SLC2A9: variants seen among roughly 807,000 people sequenced by gnomAD.
SLC2A9 encodes the protein solute carrier family 2 member 9.
SLC2A9 carries 39 observed loss-of-function variants against 50.6 expected under a neutral mutation model. The ratio of observed to expected loss-of-function variants is 0.77; its 90% CI spans 0.60 to 1.01. The LOEUF (loss-of-function observed/expected upper bound fraction) is 1.01, where lower values mean the gene tolerates loss of function less well. Among genes scored for constraint, SLC2A9 ranks in the 50% least tolerant of loss-of-function variants. The pLI is 0.00. For missense variants in SLC2A9, 686 were observed against 677.6 expected (o/e 1.01, Z -0.14); for synonymous variants, 324 against 276.9 (o/e 1.17, Z -1.69).
intron 2 of SLC2A9, among the ~76,000 whole-genome samples, chr4:10,012,113 A>G (rs1761863495): frequency 6.6e-6 from 1 of 152,238 alleles, no homozygotes. Flanking sequence ...CAGAGACCAT[A>G]TGGCCAACAA....
chr4:9,833,243 A>G (rs1439139767), intron 11 of SLC2A9, among the ~76,000 whole-genome samples: 1 of 152,192 alleles, frequency 6.6e-6, no homozygotes, highest in African/African-American at 2.4e-5. Flanking sequence ...GACTAACTCC[A>G]TGGCTCATGG....
chr4:9,835,910 A>C (rs968835413), intron 10 of SLC2A9, among the ~76,000 whole-genome samples: 1 of 152,120 alleles, frequency 6.6e-6, no homozygotes, highest in East Asian at 1.9e-4. Flanking sequence ...AACATGGTGA[A>C]ACCCCATCTC....
intron 10 of SLC2A9, among the ~76,000 whole-genome samples, chr4:9,856,090 C>A (rs1047846009): frequency 2.2e-4 from 34 of 152,208 alleles, no homozygotes; most frequent in African/African-American, 8.2e-4. Context: ...AAAGCCATTG[C>A]AACAAAAACA....
At chr4:9,972,245 C>T (rs2109017084) in intron 5 of SLC2A9, among the ~76,000 whole-genome samples, 1 of 152,262 alleles carries the variant, frequency 6.6e-6, no homozygotes, top group East Asian at 1.9e-4. Context: ...AAATGTTCTT[C>T]TGAGCATATA....
chr4:9,851,349 C>G (rs538154823), intron 10 of SLC2A9, among the ~76,000 whole-genome samples: 22 of 152,252 alleles, frequency 1.4e-4, no homozygotes, highest in African/African-American at 5.1e-4. Flanking sequence ...GAAATGAAGA[C>G]AGTCAACTGA....
At chr4:9,944,915 G>T (rs911312909) in intron 5 of SLC2A9, among the ~76,000 whole-genome samples, 1 of 152,144 alleles carries the variant, frequency 6.6e-6, no homozygotes, top group South Asian at 2.1e-4. Flanking sequence ...TATACATGTG[G>T]CCCACCCAAA....
rs747687280 is a variant in SLC2A9, at chr4:9,970,976, A to G, written c.681+9616T>C. Among the ~76,000 whole-genome samples, 181 of 152,316 alleles carry G rather than the reference A, an allele frequency of 1.2e-3. 3 individuals are homozygous for G. The highest frequency in any genetic ancestry group is 5.2e-4 in the Admixed American group (8 of 15,306). On this transcript the variant is annotated intron_variant, in intron 5 of 11. Coordinates refer to ENST00000264784, the MANE Select transcript of SLC2A9 (RefSeq NM_020041.3). Reference sequence around the variant, plus strand: ...TCTGTTTCACTCTGACCACCGGTACATGCAGCCCCCGTCATGTACCGCCTG... The same window carrying G: ...TCTGTTTCACTCTGACCACCGGTACGTGCAGCCCCCGTCATGTACCGCCTG...
At chr4:9,820,544 A>C (rs1724258312) in intron 3 of SLC2A9, among the ~76,000 whole-genome samples, 1 of 152,190 alleles carries the variant, frequency 6.6e-6, no homozygotes, top group Admixed American at 6.5e-5. Flanking sequence ...TGACCTTTTA[A>C]CTTTAGTAAA....
At chr4:9,882,904 T>A (rs7696971) in intron 10 of SLC2A9, among the ~76,000 whole-genome samples, 68,133 of 151,454 alleles carry the variant, frequency 0.45, 17,670 homozygotes, top group African/African-American at 0.72. Flanking sequence ...GTCCTTATAT[T>A]CACAATGTTT....
chr4:9,860,175 C>T (rs1393080580), intron 10 of SLC2A9, among the ~76,000 whole-genome samples: 1 of 152,202 alleles, frequency 6.6e-6, no homozygotes, highest in South Asian at 2.1e-4. Flanking sequence ...CCTTCCTCCT[C>T]CTTCTCCTCC....
At chr4:9,887,471 TG>T in intron 10 of SLC2A9, 95 bp downstream of exon 10, 1 of 1,240,828 alleles carries the variant, frequency 8.1e-7, no homozygotes, top group Non-Finnish European at 1.1e-6. Context: ...TTGCTTCTTC[TG>T]GGCTCTGGGT....
chr4:9,874,106 A>C (rs1330898359), intron 10 of SLC2A9, among the ~76,000 whole-genome samples: 1 of 152,164 alleles, frequency 6.6e-6, no homozygotes, highest in Non-Finnish European at 1.5e-5. Context: ...CTTTTACTCC[A>C]GAGCGTCTCT....
At chr4:9,845,623 G>A (rs1406456312) in intron 10 of SLC2A9, among the ~76,000 whole-genome samples, 1 of 149,878 alleles carries the variant, frequency 6.7e-6, no homozygotes, top group Non-Finnish European at 1.5e-5. Flanking sequence ...GTAGAGACGG[G>A]GTTTCACCGT....
At chr4:9,870,927 T>C (rs918926280) in intron 10 of SLC2A9, among the ~76,000 whole-genome samples, 6 of 152,132 alleles carry the variant, frequency 3.9e-5, no homozygotes, top group Non-Finnish European at 7.4e-5. Flanking sequence ...GAAGATTTTT[T>C]TGGGGGGTGT....
At chr4:10,029,685 C>T (rs779583407) in intron 1 of SLC2A9, among the ~76,000 whole-genome samples, 103 of 151,734 alleles carry the variant, frequency 6.8e-4, no homozygotes, top group Non-Finnish European at 1.1e-3. Flanking sequence ...GGCACAATCT[C>T]ATCTAACTGC....
At chr4:9,902,265 C>T (rs962042162) in intron 8 of SLC2A9, among the ~76,000 whole-genome samples, 1 of 152,168 alleles carries the variant, frequency 6.6e-6, no homozygotes, top group Admixed American at 6.5e-5. Flanking sequence ...TGTCTGTGAC[C>T]CCATGAGGAG....
intron 11 of SLC2A9, among the ~76,000 whole-genome samples, chr4:9,828,467 G>A (rs564733028): frequency 6.6e-6 from 1 of 152,262 alleles, no homozygotes; most frequent in South Asian, 2.1e-4. Context: ...TAAGTCACCT[G>A]CAGGAAAGCC....
intron 3 of SLC2A9, among the ~76,000 whole-genome samples, chr4:9,793,776 A>G (rs943043939): frequency 3.9e-5 from 6 of 152,206 alleles, no homozygotes; most frequent in African/African-American, 1.4e-4. Flanking sequence ...AAGATTTAAA[A>G]AATGGACTGA....
chr4:9,972,923 CAAAAG>C (rs1754148646), intron 5 of SLC2A9, among the ~76,000 whole-genome samples: 1 of 151,940 alleles, frequency 6.6e-6, no homozygotes, highest in African/African-American at 2.4e-5. Context: ...CCAAAGTTAG[CAAAAG>C]AAAAGAAACA....
Sources: gnomAD v4.1 joint callset for allele counts (sites outside exome capture counted in the v4.1 genomes callset) on GRCh38, gnomAD v4.1.1 for gene constraint, MANE v1.5 for transcripts, NCBI Gene and HGNC (gene_info 2026-07-23, HGNC 2026-07-21) for gene names.